MEIS2: variants seen among roughly 807,000 people sequenced by gnomAD.
MEIS2 encodes the protein homeobox protein Meis2.
Under a neutral mutation model 58.6 loss-of-function variants are expected in MEIS2, and 9 were observed. The observed-to-expected ratio is 0.15, with a 90% CI of 0.09 to 0.27. The LOEUF (loss-of-function observed/expected upper bound fraction) is 0.27, where lower values mean the gene tolerates loss of function less well. MEIS2 is among the 10% of genes least tolerant of loss of function. The pLI is 1.00. For synonymous variants in MEIS2, 221 were observed against 228.4 expected (o/e 0.97, Z 0.29); for missense variants, 427 against 635.0 (o/e 0.67, Z 3.52).
intron 7 of MEIS2, among the ~76,000 whole-genome samples, chr15:37,047,457 G>C (rs530890271): frequency 6.6e-6 from 1 of 152,152 alleles, no homozygotes. Context: ...GAAAGGGAGA[G>C]AGACCAAGAG....
chr15:36,915,126 T>C (rs1308254716), intron 9 of MEIS2, among the ~76,000 whole-genome samples: 1 of 151,690 alleles, frequency 6.6e-6, no homozygotes, highest in Non-Finnish European at 1.5e-5. Flanking sequence ...GGCACAAATA[T>C]ACTGAGCCTA....
chr15:37,101,253 G>C (rs924658724), upstream of MEIS2: 5 of 152,018 alleles, frequency 3.3e-5, no homozygotes, highest in African/African-American at 1.2e-4. Context: ...CGGCGGAATC[G>C]GGAGGGAGGA....
chr15:36,895,652 A>T (rs2056136882), intron 10 of MEIS2, among the ~76,000 whole-genome samples: 1 of 152,212 alleles, frequency 6.6e-6, no homozygotes, highest in Admixed American at 6.5e-5. Context: ...TATTTTACAC[A>T]AACATTTTAA....
At chr15:37,055,638 TCTC>T (rs1165168004) in intron 7 of MEIS2, among the ~76,000 whole-genome samples, 2 of 152,178 alleles carry the variant, frequency 1.3e-5, no homozygotes. Context: ...AACCACTCCT[TCTC>T]CTTGAACAAA....
intron 10 of MEIS2, among the ~76,000 whole-genome samples, chr15:36,895,922 C>T (rs997115356): frequency 6.6e-6 from 1 of 152,194 alleles, no homozygotes; most frequent in African/African-American, 2.4e-5. Flanking sequence ...CAGCAGTCAT[C>T]ACCCCAAGGA....
At chr15:36,910,542 T>C (rs2056960768) in intron 9 of MEIS2, among the ~76,000 whole-genome samples, 1 of 152,210 alleles carries the variant, frequency 6.6e-6, no homozygotes, top group Non-Finnish European at 1.5e-5. Flanking sequence ...GGCATCCTAA[T>C]TTTTAACATA....
At chr15:36,963,077 T>C (rs1326969994) in intron 8 of MEIS2, among the ~76,000 whole-genome samples, 2 of 152,102 alleles carry the variant, frequency 1.3e-5, no homozygotes, top group African/African-American at 4.8e-5. Context: ...TGGCTCCCCA[T>C]ATAAGAGTGA....
At chr15:37,007,228 T>C (rs1169663770) in intron 8 of MEIS2, among the ~76,000 whole-genome samples, 1 of 152,158 alleles carries the variant, frequency 6.6e-6, no homozygotes, top group African/African-American at 2.4e-5. Flanking sequence ...CTGGGAAGCC[T>C]AGCTCTCAAA....
intron 9 of MEIS2, among the ~76,000 whole-genome samples, chr15:36,949,921 A>T (rs1268391674): frequency 6.6e-6 from 1 of 152,046 alleles, no homozygotes; most frequent in African/African-American, 2.4e-5. Flanking sequence ...CAAAGCCAAG[A>T]CAAAAGAATC....
intron 9 of MEIS2, among the ~76,000 whole-genome samples, chr15:36,941,044 C>A (rs777676714): frequency 6.6e-6 from 1 of 152,130 alleles, no homozygotes; most frequent in African/African-American, 2.4e-5. Context: ...CCCCTCCATT[C>A]TTCTTCTGCA....
chr15:37,088,735 G>A (rs1000522598), intron 6 of MEIS2, among the ~76,000 whole-genome samples: 1 of 152,154 alleles, frequency 6.6e-6, no homozygotes, highest in Non-Finnish European at 1.5e-5. Flanking sequence ...GAAGTGGCAA[G>A]CACCCTTTGC....
chr15:36,995,391 CCTAA>C (rs1184444561), intron 8 of MEIS2, among the ~76,000 whole-genome samples: 3 of 151,964 alleles, frequency 2.0e-5, no homozygotes, highest in African/African-American at 7.3e-5. Context: ...ATGAAAACCA[CCTAA>C]CTTTTACTTT....
intron 7 of MEIS2, among the ~76,000 whole-genome samples, chr15:37,043,436 G>A (rs1297773267): frequency 1.3e-5 from 2 of 151,752 alleles, no homozygotes; most frequent in Non-Finnish European, 2.9e-5. Flanking sequence ...CCAGGAAGTA[G>A]GTATACTTAT....
At chr15:36,952,895 G>A (rs2058811907) in intron 8 of MEIS2, among the ~76,000 whole-genome samples, 1 of 151,990 alleles carries the variant, frequency 6.6e-6, no homozygotes, top group Non-Finnish European at 1.5e-5. Context: ...CTTTCACTAT[G>A]AAGGCAGTTG....
chr15:37,067,428 C>T (rs183447229), intron 7 of MEIS2, among the ~76,000 whole-genome samples: 4 of 151,996 alleles, frequency 2.6e-5, no homozygotes, highest in South Asian at 2.1e-4. Flanking sequence ...GGAACCTTGC[C>T]CAGGCTCTCC....
intron 8 of MEIS2, among the ~76,000 whole-genome samples, chr15:36,953,251 A>G (rs1429199169): frequency 6.6e-6 from 1 of 152,232 alleles, no homozygotes. Flanking sequence ...TTTCTACTAC[A>G]TGATCTATCA....
chr15:37,036,131 G>A (rs1156680219), intron 8 of MEIS2, among the ~76,000 whole-genome samples: 1 of 152,150 alleles, frequency 6.6e-6, no homozygotes, highest in African/African-American at 2.4e-5. Context: ...ATTGCAAACA[G>A]GAAGATAAAG....
At chr15:36,904,323 C>A (rs1253197011) in intron 9 of MEIS2, among the ~76,000 whole-genome samples, 1 of 151,888 alleles carries the variant, frequency 6.6e-6, no homozygotes, top group African/African-American at 2.4e-5. Flanking sequence ...CTCCCACCCC[C>A]ACCATTTTTT....
chr15:36,894,118 T>C (rs1011836398), intron 11 of MEIS2, among the ~76,000 whole-genome samples: 3 of 152,216 alleles, frequency 2.0e-5, no homozygotes, highest in East Asian at 1.9e-4. Context: ...ATTTATTGAC[T>C]GACTTTCCTG....
Sources: gnomAD v4.1 joint callset for allele counts (sites outside exome capture counted in the v4.1 genomes callset) on GRCh38, gnomAD v4.1.1 for gene constraint, MANE v1.5 for transcripts, NCBI Gene and HGNC (gene_info 2026-07-23, HGNC 2026-07-21) for gene names.